DEFB119: variants seen among roughly 807,000 people sequenced by gnomAD.
The protein encoded by DEFB119 is beta-defensin 119.
A neutral mutation model predicts 2.5 loss-of-function variants in DEFB119; 3 were observed. That is an observed-to-expected ratio of 1.19 (90% confidence interval 0.54 to 3.07). The LOEUF is 3.07. DEFB119 is among the 30% of genes most tolerant of loss of function. The pLI is 0.03. For missense variants in DEFB119, 113 were observed against 101.1 expected, an observed-to-expected ratio of 1.12 and a Z score of -0.50; for synonymous variants, 29 against 33.7, an observed-to-expected ratio of 0.86 and a Z score of 0.48.
chr20:31,386,227 T>A (rs561747053), intron 1 of DEFB119, among the ~76,000 whole-genome samples: 1 of 152,118 alleles, frequency 6.6e-6, no homozygotes, highest in South Asian at 2.1e-4. Flanking sequence ...ATAATAGAGA[T>A]TAATGCAGAG....
chr20:31,385,902 G>A (rs1986683718), intron 1 of DEFB119, among the ~76,000 whole-genome samples: 1 of 151,962 alleles, frequency 6.6e-6, no homozygotes, highest in Admixed American at 6.6e-5. Context: ...TAGTGAGACA[G>A]AGTTTATGTG....
intron 1 of DEFB119, chr20:31,378,280 C>A: frequency 6.2e-7 from 1 of 1,608,712 alleles, no homozygotes; most frequent in Non-Finnish European, 8.5e-7. Context: ...GGAGGCCACA[C>A]GGGGAACAGA....
intron 1 of DEFB119, among the ~76,000 whole-genome samples, chr20:31,379,513 T>G (rs1248452692): frequency 2.0e-5 from 3 of 149,380 alleles, no homozygotes; most frequent in African/African-American, 7.5e-5. Flanking sequence ...TTTTTTTTTG[T>G]GGAAGAAGTC....
At chr20:31,385,606 A>G (rs1986667414) in intron 1 of DEFB119, among the ~76,000 whole-genome samples, 1 of 152,070 alleles carries the variant, frequency 6.6e-6, no homozygotes. Flanking sequence ...GTGGCTCATG[A>G]CTGTAATCCC....
chr20:31,383,873 T>A (rs1403190427), intron 1 of DEFB119, among the ~76,000 whole-genome samples: 1 of 150,544 alleles, frequency 6.6e-6, no homozygotes, highest in Non-Finnish European at 1.5e-5. Flanking sequence ...ATAAATAAAG[T>A]CCAACAAGAT....
In DEFB119 at chr20:31,389,377, G is replaced by C. The variant is rs1335481841; in HGVS notation, c.61+1046C>G. ...TGCCAGACCCAGTCCCAGGAAAAGAGAGAAGAGACCTTGAGAGGGAAGAGA... is the reference window on the plus strand; with the variant it reads ...TGCCAGACCCAGTCCCAGGAAAAGACAGAAGAGACCTTGAGAGGGAAGAGA... On this transcript the variant is annotated intron_variant, in intron 1 of 1. Coordinates refer to ENST00000376321, the MANE Select transcript of DEFB119 (RefSeq NM_153289.4). 4.7e-6 allele frequency: 5 copies of C among 1,071,882 alleles called. No homozygotes were observed. The Admixed American group carries it at 1.2e-4, about 26-fold the overall frequency. The allele number at this position is 1,071,882 out of a possible 1,614,324, so 66.4% of individuals were successfully genotyped here. A position where few individuals can be genotyped will look rare whatever the true frequency, so the allele number is the denominator to read the frequency against.
At chr20:31,387,100 C>A (rs1248647590) in intron 1 of DEFB119, among the ~76,000 whole-genome samples, 1 of 152,090 alleles carries the variant, frequency 6.6e-6, no homozygotes, top group Non-Finnish European at 1.5e-5. Context: ...AGCCACCGCA[C>A]CCAGCCTATT....
Position 31,390,527 on chromosome 20 carries a change from A to G in DEFB119, c.-44T>C. The G allele has an allele frequency of 6.3e-7, 1 of 1,593,200 alleles. No individual in the cohort carries two copies. On this transcript the variant is annotated 5_prime_UTR_variant, in exon 1 of 2. Transcript: ENST00000376321. Reference sequence around the variant, plus strand: ...GAGGAGGTGGCTGAGCTGCAGGGGAAGGAAATAGGGTTCCCTGCAGCACGG... The same window carrying G: ...GAGGAGGTGGCTGAGCTGCAGGGGAGGGAAATAGGGTTCCCTGCAGCACGG...
chr20:31,388,311 T>C, intron 1 of DEFB119: 1 of 985,748 alleles, frequency 1.0e-6, no homozygotes, highest in African/African-American at 1.7e-5. Flanking sequence ...ACGACATTTG[T>C]TGAGTGCTTA....
intron 1 of DEFB119, among the ~76,000 whole-genome samples, chr20:31,384,397 T>G (rs1438651295): frequency 6.6e-6 from 1 of 152,142 alleles, no homozygotes; most frequent in Non-Finnish European, 1.5e-5. Flanking sequence ...CTATTTCATG[T>G]GCCCCGTAAA....
intron 1 of DEFB119, among the ~76,000 whole-genome samples, chr20:31,389,584 T>C (rs920381345): frequency 6.6e-5 from 10 of 152,126 alleles, no homozygotes; most frequent in Non-Finnish European, 1.2e-4. Context: ...TCACCTGTAA[T>C]ATTAGGGAAC....
intron 1 of DEFB119, among the ~76,000 whole-genome samples, chr20:31,387,765 C>G (rs946966012): frequency 1.3e-5 from 2 of 152,128 alleles, no homozygotes; most frequent in Non-Finnish European, 2.9e-5. Context: ...TCTGGGCAGG[C>G]AATCCCAGGA....
intron 1 of DEFB119, among the ~76,000 whole-genome samples, chr20:31,381,227 A>T (rs1986495720): frequency 6.6e-6 from 1 of 152,208 alleles, no homozygotes; most frequent in South Asian, 2.1e-4. Flanking sequence ...CATTGCTATT[A>T]TATAGAAATA....
intron 1 of DEFB119, among the ~76,000 whole-genome samples, chr20:31,385,976 G>A (rs1009667438): frequency 2.0e-5 from 3 of 152,160 alleles, no homozygotes; most frequent in African/African-American, 7.2e-5. Context: ...CATCACAGAG[G>A]TGAGCTGAGT....
At chr20:31,386,810 C>CTTTTTTTTTTTTTTTTTTTT (rs148428945) in intron 1 of DEFB119, among the ~76,000 whole-genome samples, 16 of 108,902 alleles carry the variant, frequency 1.5e-4, no homozygotes, top group South Asian at 9.0e-4. Flanking sequence ...TTTTCTTTTT[C>CTTTTTTTTTTTTTTTTTTTT]TTTTTTTTTT....
At chr20:31,381,506 TG>T (rs1412128408) in intron 1 of DEFB119, among the ~76,000 whole-genome samples, 1 of 152,234 alleles carries the variant, frequency 6.6e-6, no homozygotes, top group Admixed American at 6.5e-5. Flanking sequence ...ATAGTGTGGA[TG>T]GATCTCAAGA....
chr20:31,379,504 T>C (rs1315440714), intron 1 of DEFB119, among the ~76,000 whole-genome samples: 1 of 151,840 alleles, frequency 6.6e-6, no homozygotes, highest in African/African-American at 2.4e-5. Context: ...GTTGAGTCTT[T>C]TTTTTTTGTG....
chr20:31,378,694 G>A (rs962393412), intron 1 of DEFB119, among the ~76,000 whole-genome samples: 3 of 152,008 alleles, frequency 2.0e-5, no homozygotes, highest in African/African-American at 7.3e-5. Flanking sequence ...TTAGGAGTTG[G>A]GGATTTTTTT....
At chr20:31,385,374 C>CAAAAAAAAAAAAA (rs539118665) in intron 1 of DEFB119, among the ~76,000 whole-genome samples, 6 of 115,804 alleles carry the variant, frequency 5.2e-5, no homozygotes, top group Admixed American at 9.4e-5. Context: ...TAACAAAAGA[C>CAAAAAAAAAAAAA]AAAAAAAAAA....
Sources: allele counts gnomAD v4.1 joint callset (sites outside exome capture counted in the v4.1 genomes callset), GRCh38; gene constraint gnomAD v4.1.1; transcripts MANE v1.5; gene names NCBI Gene and HGNC (gene_info 2026-07-23, HGNC 2026-07-21).